Variants in CDK11A observed in about 807,000 individuals in gnomAD.
The protein encoded by CDK11A is cyclin-dependent kinase 11A.
CDK11A carries 55 observed loss-of-function variants against 83.6 expected under a neutral mutation model. The ratio of observed to expected loss-of-function variants is 0.66; its 90% CI spans 0.53 to 0.82. CDK11A has a LOEUF of 0.82. Ranked by LOEUF, CDK11A falls within the 40% of genes least tolerant of loss-of-function variation. The pLI is 0.00. For missense variants in CDK11A, 564 were observed against 810.1 expected (o/e 0.70, Z 3.69); for synonymous variants, 247 against 302.7 (o/e 0.82, Z 1.91).
In CDK11A at chr1:1,724,320, G is replaced by C. The variant is rs886524520; in HGVS notation, c.-76C>G. On this transcript the variant is annotated 5_prime_UTR_variant, in exon 1 of 20. Transcript: ENST00000404249. ...AAACAGCAACCGGCGCTCGCCAGAAGTATCCTCACTTCCTGTGTTGACGCC... is the reference window on the plus strand; with the variant it reads ...AAACAGCAACCGGCGCTCGCCAGAACTATCCTCACTTCCTGTGTTGACGCC... 6.6e-6 allele frequency: 1 copy of C among 151,672 alleles called. No homozygotes were observed. The highest frequency in any genetic ancestry group is 2.4e-5 in the African/African-American group (1 of 41,296). 9.4% of individuals were successfully genotyped at this position (151,672 alleles called of 1,614,324 possible).
At chr1:1,716,978 A>T (rs375864032) in intron 4 of CDK11A, among the ~76,000 whole-genome samples, 35 of 143,246 alleles carry the variant, frequency 2.4e-4, no homozygotes, top group Non-Finnish European at 1.5e-5. Flanking sequence ...CTGGTCTTGA[A>T]CTCCTGGGCT....
Position 1,720,010 on chromosome 1 carries a change from C to T in CDK11A, c.228-555G>A, listed in dbSNP as rs76985455. ...CAGAGGACCTGCAGGGGGTGAGGGG[C>T]AGGTTCATTAGCTTGACTGTGGTGA... is the stretch of plus-strand genomic sequence containing the variant. On this transcript the variant is annotated intron_variant, in intron 3 of 19. Transcript: ENST00000404249. 8.6e-3 allele frequency among the ~76,000 whole-genome samples: 1,298 copies of T among 150,990 alleles called. 58 individuals are homozygous for T. Among genetic ancestry groups the T allele is most frequent in the African/African-American group, 0.031 (1,261 of 41,124 alleles).
At chr1:1,719,592 A>G in intron 3 of CDK11A, 137 bp from the exon 4 acceptor site, 1 of 592,832 alleles carries the variant, frequency 1.7e-6, no homozygotes, top group Non-Finnish European at 2.6e-6. Context: ...AAAAAATTAC[A>G]TTAATTCTCC....
Position 1,703,536 on chromosome 1 carries a change from T to C in CDK11A, c.2000A>G (p.Asn667Ser), listed in dbSNP as rs986085109. ...KKMTFSEHPY[N>S]NLRKRFGALL... ...AGCCCCGAAGCGCTTGCGGAGGTTG[T>C]TGTAGGGGTGCTCGCTGAAGGTCAT... The change falls in exon 18 of 20, where the codon AAC becomes AGC. Residue 667 changes from asparagine (N) to serine (S), a missense_variant. Physicochemically the swap from Asn to Ser is conservative, Grantham distance 46. Coordinates refer to ENST00000404249, the MANE Select transcript of CDK11A (RefSeq NM_024011.4). 20 of 1,564,518 alleles carry C rather than the reference T, an allele frequency of 1.3e-5. 2 individuals carry two copies. Among genetic ancestry groups the C allele is most frequent in the Admixed American group, 5.4e-5 (3 of 55,960 alleles).
At chr1:1,707,964 T>A (rs1292014521) in intron 10 of CDK11A, among the ~76,000 whole-genome samples, 1 of 139,208 alleles carries the variant, frequency 7.2e-6, no homozygotes, top group African/African-American at 3.0e-5. Context: ...GCTTCCCAGC[T>A]CCTCGGCCCT....
intron 16 of CDK11A, 39 bp downstream of exon 16, chr1:1,704,000 A>T: frequency 6.2e-7 from 1 of 1,604,552 alleles, no homozygotes; most frequent in Non-Finnish European, 8.5e-7. Context: ...GGGAGGCTGC[A>T]TGGGGGACAG....
intron 4 of CDK11A, among the ~76,000 whole-genome samples, chr1:1,718,971 T>C (rs1967677): frequency 0.8 from 120,383 of 149,634 alleles, 50,908 homozygotes; most frequent in Non-Finnish European, 0.93. Flanking sequence ...CCCTTCTGAA[T>C]GGTCTGTGAC....
Position 1,703,000 on chromosome 1 carries a change from C to G in CDK11A, c.2251-1G>C. On this transcript the variant is annotated splice_acceptor_variant, in intron 19 of 19. Coordinates refer to ENST00000404249, the MANE Select transcript of CDK11A (RefSeq NM_024011.4). LOFTEE classifies it high-confidence loss of function. ...CCGTCTCCTTCAGGTCGTCGTCACC[C>G]TGGGACGAGTCGGCTACCGTGAGAA... 1 of 447,414 alleles carries G rather than the reference C, an allele frequency of 2.2e-6. No homozygotes were observed. The highest frequency in any genetic ancestry group is 3.9e-6 in the Non-Finnish European group (1 of 258,290). 27.7% of individuals were successfully genotyped at this position (447,414 alleles called of 1,614,324 possible).
chr1:1,707,969 G>A (rs1405421781), intron 10 of CDK11A, among the ~76,000 whole-genome samples: 8 of 139,928 alleles, frequency 5.7e-5, no homozygotes, highest in Non-Finnish European at 1.2e-4. Context: ...CCAGCTCCTC[G>A]GCCCTGCTGG....
rs1393833023 is a variant in CDK11A at position 1,713,122 on chromosome 1, T to C, written c.489-722A>G. ...CCTGAGCCTCCCGAGTAGCTGGGAT[T>C]ACAGGTGTGCACCACCACACCCAGG... On this transcript the variant is annotated intron_variant, in intron 5 of 19. Coordinates refer to ENST00000404249, the MANE Select transcript of CDK11A (RefSeq NM_024011.4). Among the ~76,000 whole-genome samples, 4 of 43,600 alleles carry C rather than the reference T, an allele frequency of 9.2e-5. 2 individuals carry two copies. The highest frequency in any genetic ancestry group is 1.6e-4 in the African/African-American group (4 of 25,504). The allele number at this position is 43,600 out of a possible 152,430, so 28.6% of individuals were successfully genotyped here.
intron 14 of CDK11A, 82 bp downstream of exon 14, chr1:1,704,468 T>C (rs1188944540): frequency 1.9e-6 from 3 of 1,545,474 alleles, no homozygotes; most frequent in Non-Finnish European, 2.6e-6. Context: ...CAGCTGGCCC[T>C]CCCTGCAGCA....
chr1:1,716,033 C>T (rs1205224275), intron 5 of CDK11A, among the ~76,000 whole-genome samples: 3 of 150,746 alleles, frequency 2.0e-5, no homozygotes, highest in Non-Finnish European at 3.0e-5. Context: ...CTCAAGGGAT[C>T]CAACCACCTC....
Position 1,719,805 on chromosome 1 carries a change from C to T in CDK11A, c.228-350G>A, listed in dbSNP as rs373776929. On this transcript the variant is annotated intron_variant, in intron 3 of 19. Transcript: ENST00000404249. ...CTAATTTTTGTATTTTTAGTAGAGA[C>T]GGGGTTTCACTGTGTTAGCCAAGAT... Among the ~76,000 whole-genome samples the T allele has an allele frequency of 3.3e-5, 5 of 150,372 alleles. 1 individual carries two copies. Among genetic ancestry groups the T allele is most frequent in the Non-Finnish European group, 5.9e-5 (4 of 67,486 alleles).
chr1:1,708,336 G>C, intron 9 of CDK11A, 91 bp from the exon 10 acceptor site: 1 of 1,450,132 alleles, frequency 6.9e-7, no homozygotes, highest in Non-Finnish European at 9.3e-7. Flanking sequence ...TAAGCAACAA[G>C]TGTTCCCAAG....
At chr1:1,719,516 A>G (rs1557800313) in intron 3 of CDK11A, 61 bp from the exon 4 acceptor site, 11 of 1,300,338 alleles carry the variant, frequency 8.5e-6, no homozygotes, top group Non-Finnish European at 1.1e-5. Flanking sequence ...GCATCAGGCT[A>G]TTATGAGGTT....
chr1:1,716,299 C>T (rs1195091680), intron 5 of CDK11A, 47 bp downstream of exon 5: 1 of 1,588,680 alleles, frequency 6.3e-7, no homozygotes, highest in East Asian at 2.2e-5. Context: ...ACAGGACACA[C>T]TACCACGGCC....
rs554657764 is a variant in CDK11A, at chr1:1,704,184, CG to C, written c.1686+38del. 5.3e-4 allele frequency: 858 copies of C among 1,607,560 alleles called. 44 individuals are homozygous for C. The South Asian group carries it at 6.8e-3, about 13-fold the overall frequency. ...ATGGGCGGCTGTGGGTGGGCCTGGGCGGGTCACCCTGGGATGGGCCACTCGG... is the reference window on the plus strand; with the variant it reads ...ATGGGCGGCTGTGGGTGGGCCTGGGCGGTCACCCTGGGATGGGCCACTCGG... On this transcript the variant is annotated intron_variant, in intron 15 of 19. Coordinates refer to ENST00000404249, the MANE Select transcript of CDK11A (RefSeq NM_024011.4).
chr1:1,716,679 T>G (rs1644663225), intron 4 of CDK11A, among the ~76,000 whole-genome samples: 3 of 150,176 alleles, frequency 2.0e-5, no homozygotes, highest in African/African-American at 7.4e-5. Context: ...CTGGGCGTGG[T>G]GGCAGGCACC....
chr1:1,718,313 T>TTG lies in CDK11A; in HGVS notation c.355+1014_355+1015insCA, dbSNP rs1644759010. Among the ~76,000 whole-genome samples, 9 of 128,028 alleles carry TTG rather than the reference T, an allele frequency of 7.0e-5. 2 individuals are homozygous for TTG. The highest frequency in any genetic ancestry group is 1.6e-4 in the Admixed American group (2 of 12,860). The allele number at this position is 128,028 out of a possible 152,430, so 84.0% of individuals were successfully genotyped here. On this transcript the variant is annotated intron_variant, in intron 4 of 19. Transcript: ENST00000404249. ...ACACGCATGCTTTCAGCTAGAGTATTCTCTCTATAGCCCCTCTGAACGGTC... is the reference window on the plus strand; with the variant it reads ...ACACGCATGCTTTCAGCTAGAGTATTTGCTCTCTATAGCCCCTCTGAACGGTC...
Sources: allele counts gnomAD v4.1 joint callset (sites outside exome capture counted in the v4.1 genomes callset), GRCh38; gene constraint gnomAD v4.1.1; transcripts MANE v1.5; gene names NCBI Gene and HGNC (gene_info 2026-07-23, HGNC 2026-07-21).